The following IMMP1L variants were observed in gnomAD, a reference collection of about 807,000 sequenced individuals.
The protein encoded by IMMP1L is mitochondrial inner membrane protease subunit 1.
IMMP1L carries 24 observed loss-of-function variants against 21.8 expected under a neutral mutation model. The observed-to-expected ratio is 1.10, with a 90% CI of 0.80 to 1.55. The LOEUF is 1.55. Ranked by LOEUF, IMMP1L falls within the 40% of genes most tolerant of loss-of-function variation. The pLI is 0.00. For missense variants in IMMP1L, 195 were observed against 200.7 expected (o/e 0.97, Z 0.17); for synonymous variants, 46 against 62.8 (o/e 0.73, Z 1.26).
intron 4 of IMMP1L, among the ~76,000 whole-genome samples, chr11:31,435,284 T>G (rs1276819492): frequency 6.6e-6 from 1 of 152,204 alleles, no homozygotes; most frequent in Non-Finnish European, 1.5e-5. Context: ...AAGCTTTCCC[T>G]AAACTTGCCT....
chr11:31,432,658 A>T (rs987126611), intron 5 of IMMP1L, 90 bp from the exon 6 acceptor site: 3 of 841,226 alleles, frequency 3.6e-6, no homozygotes, highest in Non-Finnish European at 6.1e-6. Flanking sequence ...CCTTTTCTCT[A>T]TGCCAGATAA....
At chr11:31,453,898 T>C (rs1214532837) in intron 4 of IMMP1L, among the ~76,000 whole-genome samples, 3 of 152,174 alleles carry the variant, frequency 2.0e-5, no homozygotes, top group Non-Finnish European at 1.5e-5. Context: ...CTGAAAGAAG[T>C]AGTAGTGGCA....
At chr11:31,499,262 G>A (rs1264470230) in intron 1 of IMMP1L, among the ~76,000 whole-genome samples, 2 of 152,132 alleles carry the variant, frequency 1.3e-5, no homozygotes, top group Non-Finnish European at 2.9e-5. Flanking sequence ...CTACTCAAGA[G>A]GCTGAGGCAG....
chr11:31,490,469 T>TA (rs60971392), intron 1 of IMMP1L, among the ~76,000 whole-genome samples: 6,276 of 131,714 alleles, frequency 0.048, 341 homozygotes, highest in African/African-American at 0.12. Flanking sequence ...AGACTCCATC[T>TA]AAAAAAAAAA....
intron 4 of IMMP1L, 163 bp from the exon 5 acceptor site, chr11:31,433,733 A>C (rs749673092): frequency 8.9e-6 from 4 of 450,034 alleles, no homozygotes; most frequent in Admixed American, 4.0e-5. Flanking sequence ...TTCTTGCACA[A>C]TAACTTTTAC....
chr11:31,464,224 G>GA (rs541246256), intron 1 of IMMP1L, among the ~76,000 whole-genome samples: 2 of 148,650 alleles, frequency 1.3e-5, no homozygotes, highest in African/African-American at 2.5e-5. Context: ...TTATAGACAA[G>GA]AAAAAAAAAG....
chr11:31,463,156 G>C lies in IMMP1L; in HGVS notation c.105+16C>G. ...GTATATATTTAAGATGAATATTCTT[G>C]AACATAAAAACTTACCATGACAACA... On this transcript the variant is annotated intron_variant, in intron 2 of 5. Transcript: ENST00000532287. The C allele has an allele frequency of 6.4e-7, 1 of 1,574,792 alleles. No individual in the cohort carries two copies. The highest frequency in any genetic ancestry group is 8.6e-7 in the Non-Finnish European group (1 of 1,161,484).
chr11:31,498,357 G>A (rs188073397), intron 1 of IMMP1L, among the ~76,000 whole-genome samples: 92 of 152,260 alleles, frequency 6.0e-4, no homozygotes, highest in Admixed American at 4.6e-4. Flanking sequence ...GGACAACACT[G>A]TTATAAAGTT....
At position 31,447,262 on chromosome 11, in the gene IMMP1L, T is replaced by G. The variant is rs141722703; in HGVS notation, c.321+8998A>C. On this transcript the variant is annotated intron_variant, in intron 4 of 5. Coordinates refer to ENST00000532287, the MANE Select transcript of IMMP1L (RefSeq NM_001304274.2). ...TCTTCTCTCCCAGTCTACCCTTAGA[T>G]GTCCCCCCTCCCAAGTCCAGTGGTC... is the stretch of plus-strand genomic sequence containing the variant. Among the ~76,000 whole-genome samples the G allele has an allele frequency of 2.5e-4, 38 of 152,338 alleles. 1 individual carries two copies. The highest frequency in any genetic ancestry group is 8.9e-4 in the African/African-American group (37 of 41,584).
At chr11:31,474,758 A>G (rs544384884) in intron 1 of IMMP1L, among the ~76,000 whole-genome samples, 1 of 152,348 alleles carries the variant, frequency 6.6e-6, no homozygotes, top group East Asian at 1.9e-4. Flanking sequence ...CCATTACTTT[A>G]AAGTTTAAAG....
chr11:31,440,689 C>T (rs1051608141), intron 4 of IMMP1L, among the ~76,000 whole-genome samples: 1 of 152,190 alleles, frequency 6.6e-6, no homozygotes, highest in Non-Finnish European at 1.5e-5. Context: ...CTGCGCCCAG[C>T]CTTAAAATAC....
intron 1 of IMMP1L, among the ~76,000 whole-genome samples, chr11:31,500,274 G>C (rs1003399132): frequency 6.6e-6 from 1 of 151,764 alleles, no homozygotes; most frequent in African/African-American, 2.4e-5. Flanking sequence ...TGAATAAAGA[G>C]CCAACATTTA....
At chr11:31,498,483 T>C (rs1955520002) in intron 1 of IMMP1L, among the ~76,000 whole-genome samples, 1 of 152,196 alleles carries the variant, frequency 6.6e-6, no homozygotes. Context: ...ACCTCCCAGC[T>C]ACCTATATTC....
At chr11:31,446,845 T>C (rs1208725371) in intron 4 of IMMP1L, among the ~76,000 whole-genome samples, 1 of 152,248 alleles carries the variant, frequency 6.6e-6, no homozygotes, top group Non-Finnish European at 1.5e-5. Context: ...TGTAATTTCA[T>C]CTATTCCTCC....
chr11:31,497,466 T>C lies in IMMP1L; in HGVS notation c.-30+12053A>G, dbSNP rs1592042838. ...TGGGTACAATATTTCTTTTCTTTTT[T>C]TTTTTTTTTTTTTGAGATGGGAGTC... On this transcript the variant is annotated intron_variant, in intron 1 of 5. Transcript: ENST00000532287. 3.7e-5 allele frequency among the ~76,000 whole-genome samples: 5 copies of C among 133,442 alleles called. No individual in the cohort carries two copies. The South Asian group carries it at 8.5e-4, about 23-fold the overall frequency. The allele number at this position is 133,442 out of a possible 152,430, so 87.5% of individuals were successfully genotyped here.
intron 4 of IMMP1L, among the ~76,000 whole-genome samples, chr11:31,451,754 G>A (rs1198042820): frequency 6.6e-6 from 1 of 152,130 alleles, no homozygotes; most frequent in Non-Finnish European, 1.5e-5. Flanking sequence ...AAAAAGTACT[G>A]TACATAAAAC....
chr11:31,488,688 A>G (rs996900358), intron 1 of IMMP1L, among the ~76,000 whole-genome samples: 3 of 152,088 alleles, frequency 2.0e-5, no homozygotes, highest in Admixed American at 2.0e-4. Context: ...CTAGTGATAT[A>G]AGACTAAATT....
intron 3 of IMMP1L, among the ~76,000 whole-genome samples, chr11:31,456,690 T>A (rs1009379785): frequency 2.1e-4 from 32 of 151,692 alleles, no homozygotes; most frequent in Non-Finnish European, 7.4e-5. Flanking sequence ...GCTTTACTCC[T>A]GTGTCCAAAT....
At position 31,456,392 on chromosome 11, in the gene IMMP1L, G is replaced by A; in HGVS notation, c.195-6C>T. 6.2e-7 allele frequency: 1 copy of A among 1,607,208 alleles called. No homozygotes were observed. Among genetic ancestry groups the A allele is most frequent in the Non-Finnish European group, 8.5e-7 (1 of 1,175,608 alleles). On this transcript the variant is annotated splice_region_variant and splice_polypyrimidine_tract_variant and intron_variant, in intron 3 of 5. Coordinates refer to ENST00000532287, the MANE Select transcript of IMMP1L (RefSeq NM_001304274.2). Reference sequence around the variant, plus strand: ...TTGCAATCACAATGTCACCTCTGAGGGGGAAAAGTCAAAGAAATGTCTGTA... The same window carrying A: ...TTGCAATCACAATGTCACCTCTGAGAGGGAAAAGTCAAAGAAATGTCTGTA...
Sources: gnomAD v4.1 joint callset for allele counts (sites outside exome capture counted in the v4.1 genomes callset) on GRCh38, gnomAD v4.1.1 for gene constraint, MANE v1.5 for transcripts, NCBI Gene and HGNC (gene_info 2026-07-23, HGNC 2026-07-21) for gene names.